Variants in ZNF569 observed in about 807,000 individuals in gnomAD.
ZNF569 encodes zinc finger protein 569, also known as DNA-binding protein.
In ZNF569, 38 loss-of-function variants were observed where a neutral mutation model predicts 56.3. That is an observed-to-expected ratio of 0.68 (90% CI 0.52 to 0.88). ZNF569 has a LOEUF of 0.88. Ranked by LOEUF, ZNF569 falls within the 40% of genes least tolerant of loss-of-function variation. The probability of loss-of-function intolerance (pLI) is 0.00; values close to 1 mark genes in which losing one functional copy is unlikely to be tolerated. For synonymous variants in ZNF569, 241 were observed against 262.9 expected, an observed-to-expected ratio of 0.92 and a Z score of 0.81; for missense variants, 666 against 809.2, an observed-to-expected ratio of 0.82 and a Z score of 2.15.
At chr19:37,468,867 T>TC (rs201854255), upstream of ZNF569, 1,114 of 178,478 alleles carry the variant, frequency 6.2e-3, 28 homozygotes, top group East Asian at 0.056. Flanking sequence ...CCACCCTGCA[T>TC]CCCCCCCACC....
intron 5 of ZNF569, among the ~76,000 whole-genome samples, chr19:37,417,831 C>T (rs979475249): frequency 1.3e-5 from 2 of 151,968 alleles, no homozygotes; most frequent in Non-Finnish European, 1.5e-5. Context: ...CTGTTCTGGC[C>T]GGGTGCGATG....
intron 2 of ZNF569, among the ~76,000 whole-genome samples, chr19:37,463,365 T>A (rs559841781): frequency 7.2e-5 from 11 of 152,314 alleles, no homozygotes; most frequent in African/African-American, 2.6e-4. Flanking sequence ...CGTAACACAA[T>A]GCATTACACA....
chr19:37,437,015 C>CA (rs368735580), intron 3 of ZNF569, among the ~76,000 whole-genome samples: 30,792 of 99,854 alleles, frequency 0.31, 3,923 homozygotes, highest in South Asian at 0.4. Context: ...CAAGACACAT[C>CA]AAAAAAAAAA....
intron 3 of ZNF569, among the ~76,000 whole-genome samples, chr19:37,434,564 G>A (rs2041278784): frequency 6.6e-6 from 1 of 152,152 alleles, no homozygotes; most frequent in South Asian, 2.1e-4. Context: ...AGTGGCGCAA[G>A]CCTGTAGTCC....
chr19:37,450,656 C>A (rs993749937), intron 2 of ZNF569, among the ~76,000 whole-genome samples: 10 of 151,870 alleles, frequency 6.6e-5, no homozygotes, highest in African/African-American at 2.4e-4. Context: ...TATTTCCTTT[C>A]TTCTGCTAAC....
intron 2 of ZNF569, among the ~76,000 whole-genome samples, chr19:37,447,257 A>G (rs1261973914): frequency 6.6e-6 from 1 of 152,238 alleles, no homozygotes; most frequent in Non-Finnish European, 1.5e-5. Context: ...TATCCAGAGG[A>G]AAAGAAGTCA....
chr19:37,468,032 C>T (rs1176417430), upstream of ZNF569: 17 of 1,052,588 alleles, frequency 1.6e-5, no homozygotes, highest in Non-Finnish European at 2.4e-5. Context: ...CTAGCTGTGT[C>T]ATCTCAGACT....
In ZNF569 at chr19:37,443,938, A is replaced by T. The variant is rs143201609; in HGVS notation, c.15+969T>A. Among the ~76,000 whole-genome samples the T allele has an allele frequency of 1.1e-4, 16 of 152,238 alleles. No individual in the cohort carries two copies. In the East Asian group the frequency reaches 3.1e-3, roughly 29 times the overall value. ...GAGGCTGAGGCAAGAGAATCACTTG[A>T]ACCCGGGAGGCAGAGGTTGCAGTGA... On this transcript the variant is annotated intron_variant, in intron 3 of 5. Transcript: ENST00000316950.
At chr19:37,428,344 A>G (rs4802236) in intron 3 of ZNF569, among the ~76,000 whole-genome samples, 23,799 of 140,140 alleles carry the variant, frequency 0.17, 1,992 homozygotes, top group South Asian at 0.31. Context: ...TCTCTACAAT[A>G]AATGAATGAA....
chr19:37,466,459 G>A (rs1024962795), intron 1 of ZNF569, among the ~76,000 whole-genome samples: 10 of 152,018 alleles, frequency 6.6e-5, no homozygotes, highest in African/African-American at 2.4e-4. Context: ...GAGAAACCCC[G>A]TCTCTACTAA....
intron 3 of ZNF569, among the ~76,000 whole-genome samples, chr19:37,436,237 T>C (rs1482558924): frequency 6.6e-6 from 1 of 152,042 alleles, no homozygotes; most frequent in East Asian, 1.9e-4. Context: ...TCCTGAATGA[T>C]CACTAGGTCA....
In ZNF569 at chr19:37,413,795, T is replaced by C. The variant is rs2040881361; in HGVS notation, c.863A>G (p.His288Arg). 6.2e-7 allele frequency: 1 copy of C among 1,613,698 alleles called. No individual in the cohort carries two copies. Among genetic ancestry groups the C allele is most frequent in the Admixed American group, 1.7e-5 (1 of 60,020 alleles). Reference protein sequence around the residue: ...SFSQKSNLIDHEKIHTGEKPY... With the variant: ...SFSQKSNLIDREKIHTGEKPY... ...TTTCTCTCCAGTATGAATTTTTTCA[T>C]GATCAATAAGATTTGATTTCTGGCT... Residue 288 changes from histidine to arginine, a missense_variant, in exon 6 of 6, where the codon CAT (histidine) becomes CGT (arginine). His to Arg is a conservative substitution (Grantham distance 29, BLOSUM62 0). Transcript: ENST00000316950.
chr19:37,426,773 T>C (rs138836319), intron 3 of ZNF569, among the ~76,000 whole-genome samples: 3 of 152,314 alleles, frequency 2.0e-5, no homozygotes, highest in East Asian at 3.9e-4. Context: ...GCCACTGATT[T>C]AGCAGTTGGA....
At chr19:37,425,152 AATATAT>A (rs1364697967) in intron 5 of ZNF569, among the ~76,000 whole-genome samples, 6 of 151,462 alleles carry the variant, frequency 4.0e-5, no homozygotes, top group Non-Finnish European at 8.8e-5. Flanking sequence ...GCTTTCTGAA[AATATAT>A]ATATATTTTT....
At chr19:37,427,971 T>A (rs2041163084) in intron 3 of ZNF569, among the ~76,000 whole-genome samples, 1 of 152,198 alleles carries the variant, frequency 6.6e-6, no homozygotes, top group South Asian at 2.1e-4. Context: ...GACTTTTTCC[T>A]CAGGAAGTTG....
chr19:37,463,576 T>C (rs895346605), intron 2 of ZNF569, among the ~76,000 whole-genome samples: 1 of 152,252 alleles, frequency 6.6e-6, no homozygotes, highest in African/African-American at 2.4e-5. Flanking sequence ...TACTGCTTTA[T>C]GTATTTACTA....
In ZNF569 at chr19:37,412,362, G is replaced by T; in HGVS notation, c.*235C>A. 1 of 573,284 alleles carries T rather than the reference G, an allele frequency of 1.7e-6. No homozygotes were observed. Among genetic ancestry groups the T allele is most frequent in the Non-Finnish European group, 2.6e-6 (1 of 382,718 alleles). 35.5% of individuals were successfully genotyped at this position (573,284 alleles called of 1,614,324 possible). ...AAGATACCTTGTTTCAGATTTCAAT[G>T]AGAATGCTGATTAAATATTATCAAT... is the stretch of plus-strand genomic sequence containing the variant. On this transcript the variant is annotated 3_prime_UTR_variant, in exon 6 of 6. Coordinates refer to ENST00000316950, the MANE Select transcript of ZNF569 (RefSeq NM_152484.3).
upstream of ZNF569, chr19:37,467,802 G>C (rs1478902337): frequency 2.2e-6 from 3 of 1,366,406 alleles, no homozygotes; most frequent in Non-Finnish European, 3.0e-6. Context: ...ATCTGAGGTC[G>C]TGCGAATATG....
rs555146253 is a variant in ZNF569, at chr19:37,413,500, C to T, written c.1158G>A (p.Glu386=). 3.1e-6 allele frequency: 5 copies of T among 1,613,256 alleles called. No individual in the cohort carries two copies. The East Asian group carries it at 1.1e-4, about 36-fold the overall frequency. ...AGCTTTGAGAGAAGGCTTTTCCACA[C>T]TCATTACATTCATAGGGTTTTTCAC... ...HTGEKPYECN[E]CGKAFSQSSA... Residue 386 remains glutamate, a synonymous_variant, in exon 6 of 6, where the codon GAG becomes GAA. Transcript: ENST00000316950.
Sources: allele counts gnomAD v4.1 joint callset (sites outside exome capture counted in the v4.1 genomes callset), GRCh38; gene constraint gnomAD v4.1.1; transcripts MANE v1.5; gene names NCBI Gene and HGNC (gene_info 2026-07-23, HGNC 2026-07-21).